Variants in GRID1 observed in about 807,000 individuals in gnomAD.
GRID1 encodes the protein glutamate ionotropic receptor delta type subunit 1.
GRID1 carries 28 observed loss-of-function variants against 98.0 expected under a neutral mutation model. The ratio of observed to expected loss-of-function variants is 0.29; its 90% CI spans 0.21 to 0.39. The LOEUF (loss-of-function observed/expected upper bound fraction) is 0.39. Ranked by LOEUF, GRID1 falls within the 10% of genes least tolerant of loss-of-function variation. The pLI is 1.00. For missense variants in GRID1, 1,111 were observed against 1,340.5 expected (o/e 0.83, Z 2.67); for synonymous variants, 553 against 538.5 (o/e 1.03, Z -0.37).
At chr10:85,982,752 CA>C (rs1330170426) in intron 4 of GRID1, among the ~76,000 whole-genome samples, 1 of 152,192 alleles carries the variant, frequency 6.6e-6, no homozygotes, top group Non-Finnish European at 1.5e-5. Context: ...AGGACCTCAG[CA>C]AAAGTGACTT....
chr10:85,843,077 G>T (rs1181546159), intron 8 of GRID1, among the ~76,000 whole-genome samples: 2 of 151,864 alleles, frequency 1.3e-5, no homozygotes, highest in Non-Finnish European at 2.9e-5. Context: ...TCAAGACAGG[G>T]TCATAAAGAT....
intron 4 of GRID1, among the ~76,000 whole-genome samples, chr10:85,952,084 C>CA (rs1316491781): frequency 6.6e-6 from 1 of 152,232 alleles, no homozygotes; most frequent in African/African-American, 2.4e-5. Flanking sequence ...ACAAACCTTT[C>CA]AAAAACAAGA....
At chr10:85,906,958 G>A (rs1036049598) in intron 5 of GRID1, among the ~76,000 whole-genome samples, 3 of 152,050 alleles carry the variant, frequency 2.0e-5, no homozygotes, top group Non-Finnish European at 4.4e-5. Flanking sequence ...AATGAATAAC[G>A]TCAATAAACC....
At chr10:86,222,714 T>A (rs1846276565) in intron 2 of GRID1, among the ~76,000 whole-genome samples, 2 of 151,882 alleles carry the variant, frequency 1.3e-5, no homozygotes, top group African/African-American at 4.8e-5. Context: ...GGAGAAGGGG[T>A]GTAAGCATGG....
At chr10:86,140,075 AG>A (rs1386888803) in intron 3 of GRID1, among the ~76,000 whole-genome samples, 1 of 152,220 alleles carries the variant, frequency 6.6e-6, no homozygotes, top group African/African-American at 2.4e-5. Flanking sequence ...CGAACTTTCC[AG>A]TTCCATGAGC....
At chr10:86,154,977 G>A (rs1487483766) in intron 3 of GRID1, among the ~76,000 whole-genome samples, 1 of 152,218 alleles carries the variant, frequency 6.6e-6, no homozygotes, top group Non-Finnish European at 1.5e-5. Context: ...GCAAAATTGA[G>A]GCTTGGAGAG....
intron 3 of GRID1, among the ~76,000 whole-genome samples, chr10:86,152,491 G>C (rs948677275): frequency 6.6e-6 from 1 of 152,250 alleles, no homozygotes; most frequent in African/African-American, 2.4e-5. Context: ...CTCTGCGCCC[G>C]AGAGCCCCCA....
chr10:85,904,582 T>G (rs1157543399), intron 5 of GRID1, among the ~76,000 whole-genome samples: 1 of 152,076 alleles, frequency 6.6e-6, no homozygotes, highest in African/African-American at 2.4e-5. Flanking sequence ...AAAACAGAAT[T>G]AGAATTAGCA....
In GRID1 at chr10:85,774,007, G is replaced by T. The variant is rs575207911; in HGVS notation, c.1234-44393C>A. ...TTCATATGGAACCAAAAGAGAGCCC[G>T]CATCGCCAAGTCAATCCTAAGCCAA... is the stretch of plus-strand genomic sequence containing the variant. On this transcript the variant is annotated intron_variant, in intron 8 of 15. Coordinates refer to ENST00000327946, the MANE Select transcript of GRID1 (RefSeq NM_017551.3). Among the ~76,000 whole-genome samples, 14 of 152,108 alleles carry T rather than the reference G, an allele frequency of 9.2e-5. 1 individual carries two copies. The highest frequency in any genetic ancestry group is 9.2e-4 in the Admixed American group (14 of 15,264).
chr10:85,905,407 A>T (rs1249652970), intron 5 of GRID1, among the ~76,000 whole-genome samples: 1 of 151,970 alleles, frequency 6.6e-6, no homozygotes, highest in Non-Finnish European at 1.5e-5. Context: ...AAGAGAAATG[A>T]TACCAGATCA....
intron 12 of GRID1, among the ~76,000 whole-genome samples, chr10:85,653,963 A>G (rs1351459577): frequency 1.3e-5 from 2 of 152,228 alleles, no homozygotes; most frequent in African/African-American, 4.8e-5. Context: ...TAAGCAAGAA[A>G]AAAAAGACTA....
intron 12 of GRID1, among the ~76,000 whole-genome samples, chr10:85,668,072 T>C (rs887259329): frequency 6.6e-6 from 1 of 152,196 alleles, no homozygotes; most frequent in African/African-American, 2.4e-5. Flanking sequence ...CTGTTGTTAT[T>C]ATGAGATAAG....
chr10:85,933,856 G>C (rs1231537568), intron 4 of GRID1, among the ~76,000 whole-genome samples: 1 of 152,186 alleles, frequency 6.6e-6, no homozygotes, highest in Non-Finnish European at 1.5e-5. Flanking sequence ...ATGAGGGCTG[G>C]AGATTTATAA....
chr10:85,806,294 AAC>A (rs1206132272), intron 8 of GRID1, among the ~76,000 whole-genome samples: 1 of 152,176 alleles, frequency 6.6e-6, no homozygotes, highest in Non-Finnish European at 1.5e-5. Flanking sequence ...GACAAAAATT[AAC>A]ACAGTCATGC....
intron 4 of GRID1, among the ~76,000 whole-genome samples, chr10:85,996,699 G>C (rs1438902757): frequency 1.3e-5 from 2 of 151,944 alleles, no homozygotes; most frequent in African/African-American, 4.8e-5. Flanking sequence ...CATGATGGTG[G>C]GTGCATGTAA....
intron 2 of GRID1, among the ~76,000 whole-genome samples, chr10:86,319,218 G>A (rs1589448070): frequency 6.6e-6 from 1 of 152,292 alleles, no homozygotes; most frequent in Admixed American, 6.5e-5. Flanking sequence ...GGTCTCTTGG[G>A]CTTCGACTCT....
intron 4 of GRID1, among the ~76,000 whole-genome samples, chr10:86,091,384 C>T (rs1214087193): frequency 6.6e-6 from 1 of 152,026 alleles, no homozygotes; most frequent in Non-Finnish European, 1.5e-5. Context: ...TCCCTGACAA[C>T]CTGCATAACT....
At chr10:85,823,872 T>C (rs919155821) in intron 8 of GRID1, among the ~76,000 whole-genome samples, 2 of 149,126 alleles carry the variant, frequency 1.3e-5, no homozygotes, top group Middle Eastern at 3.4e-3. Context: ...CCAGTAAAAA[T>C]AACCATCATC....
chr10:85,655,717 G>C (rs955296556), intron 12 of GRID1, among the ~76,000 whole-genome samples: 1 of 152,170 alleles, frequency 6.6e-6, no homozygotes, highest in Non-Finnish European at 1.5e-5. Context: ...CCTAAGAAGG[G>C]AGAAGCCATC....
Sources: allele counts gnomAD v4.1 joint callset (sites outside exome capture counted in the v4.1 genomes callset), GRCh38; gene constraint gnomAD v4.1.1; transcripts MANE v1.5; gene names NCBI Gene and HGNC (gene_info 2026-07-23, HGNC 2026-07-21).